RPS6KC1: variants seen among roughly 807,000 people sequenced by gnomAD.
RPS6KC1 encodes inactive ribosomal protein S6 kinase delta-1.
RPS6KC1 carries 54 observed loss-of-function variants against 103.8 expected under a neutral mutation model. That is an observed-to-expected ratio of 0.52 (90% CI 0.42 to 0.65). The LOEUF is 0.65. RPS6KC1 is among the 30% of genes least tolerant of loss of function. The pLI is 0.00. For synonymous variants in RPS6KC1, 439 were observed against 438.7 expected, an observed-to-expected ratio of 1.00 and a Z score of -0.01; for missense variants, 1,151 against 1,253.8, an observed-to-expected ratio of 0.92 and a Z score of 1.24.
the RPS6KC1 span, chr1:213,817,775 T>C: frequency 6.6e-6 from 1 of 151,916 alleles, no homozygotes; most frequent in Non-Finnish European, 1.5e-5. Context: ...CTTTTCTTTA[T>C]TGCGTTTTGC....
the RPS6KC1 span, among the ~76,000 whole-genome samples, chr1:213,622,233 G>GT: frequency 2.6e-5 from 1 of 37,790 alleles, no homozygotes; most frequent in African/African-American, 1.0e-4. Context: ...GACAAGTAAT[G>GT]TCTTTTTTTT....
chr1:213,823,726 C>CCACA, the RPS6KC1 span, among the ~76,000 whole-genome samples: 1,367 of 145,588 alleles, frequency 9.4e-3, 33 homozygotes, highest in East Asian at 0.087. Flanking sequence ...GCTATCACAG[C>CCACA]CACACACACA....
the RPS6KC1 span, among the ~76,000 whole-genome samples, chr1:213,785,298 C>T: frequency 6.6e-6 from 1 of 152,088 alleles, no homozygotes; most frequent in African/African-American, 2.4e-5. Context: ...CGTTCCTGGA[C>T]ACCTCACAGA....
chr1:213,380,237 C>T, the RPS6KC1 span, among the ~76,000 whole-genome samples: 1 of 152,170 alleles, frequency 6.6e-6, no homozygotes, highest in Non-Finnish European at 1.5e-5. Context: ...GAAAACCAAA[C>T]GCTGTATGTT....
the RPS6KC1 span, among the ~76,000 whole-genome samples, chr1:213,466,530 G>A: frequency 1.3e-5 from 2 of 152,288 alleles, no homozygotes; most frequent in East Asian, 3.9e-4. Context: ...GCAACAGAAT[G>A]GCAAAGAGAA....
chr1:213,060,801 A>C (rs2077766606), intron 1 of RPS6KC1, among the ~76,000 whole-genome samples: 1 of 152,236 alleles, frequency 6.6e-6, no homozygotes. Context: ...GATAACTTGC[A>C]GTTTTAGCTT....
At chr1:213,282,005 C>T in the RPS6KC1 span, among the ~76,000 whole-genome samples, 9 of 152,178 alleles carry the variant, frequency 5.9e-5, no homozygotes, top group African/African-American at 1.9e-4. Context: ...TGTCTCCTTC[C>T]GTAGCTAGGG....
the RPS6KC1 span, among the ~76,000 whole-genome samples, chr1:213,705,093 G>T: frequency 6.6e-6 from 1 of 152,214 alleles, no homozygotes; most frequent in Non-Finnish European, 1.5e-5. Context: ...ACTGAGTTTT[G>T]CCCAAGGCCT....
the RPS6KC1 span, among the ~76,000 whole-genome samples, chr1:213,451,281 T>C: frequency 2.0e-5 from 3 of 152,346 alleles, no homozygotes; most frequent in African/African-American, 7.2e-5. Flanking sequence ...AGGAAACCTA[T>C]GCATTGAAGC....
At chr1:213,699,120 G>T in the RPS6KC1 span, among the ~76,000 whole-genome samples, 2 of 151,812 alleles carry the variant, frequency 1.3e-5, no homozygotes, top group African/African-American at 4.8e-5. Context: ...ATAGTTATCC[G>T]GTTGTGCTAT....
At chr1:213,396,078 T>A in the RPS6KC1 span, among the ~76,000 whole-genome samples, 2 of 151,978 alleles carry the variant, frequency 1.3e-5, no homozygotes, top group Non-Finnish European at 2.9e-5. Flanking sequence ...AGGGGAGGGA[T>A]GGGAATAGCA....
At chr1:213,765,294 C>T in the RPS6KC1 span, among the ~76,000 whole-genome samples, 1 of 152,122 alleles carries the variant, frequency 6.6e-6, no homozygotes, top group Non-Finnish European at 1.5e-5. Context: ...CCATAGCGCC[C>T]CTAAGAAGGC....
the RPS6KC1 span, among the ~76,000 whole-genome samples, chr1:213,329,126 A>G: frequency 6.6e-6 from 1 of 152,052 alleles, no homozygotes; most frequent in African/African-American, 2.4e-5. Flanking sequence ...CCTTTTCTGG[A>G]ACTTGCCATG....
At chr1:213,137,775 C>A (rs1326231237) in intron 6 of RPS6KC1, among the ~76,000 whole-genome samples, 49 of 32,228 alleles carry the variant, frequency 1.5e-3, no homozygotes, top group African/African-American at 4.4e-3. Flanking sequence ...CTCTCTCTCT[C>A]TCTATATATA....
the RPS6KC1 span, among the ~76,000 whole-genome samples, chr1:213,570,958 T>G: frequency 2.6e-5 from 4 of 152,234 alleles, no homozygotes; most frequent in African/African-American, 9.6e-5. Context: ...AATAATGTCA[T>G]ACTCTGATAA....
the RPS6KC1 span, among the ~76,000 whole-genome samples, chr1:213,830,799 CA>C: frequency 8.5e-5 from 13 of 152,084 alleles, no homozygotes; most frequent in African/African-American, 2.7e-4. Context: ...ACTTTATACA[CA>C]AAAATCCTGG....
At chr1:213,208,003 A>G (rs1229487022) in intron 8 of RPS6KC1, among the ~76,000 whole-genome samples, 1 of 152,070 alleles carries the variant, frequency 6.6e-6, no homozygotes, top group Non-Finnish European at 1.5e-5. Context: ...TAATCTGTCT[A>G]TTGTCAGTTT....
the RPS6KC1 span, among the ~76,000 whole-genome samples, chr1:213,432,308 A>G: frequency 6.6e-6 from 1 of 152,230 alleles, no homozygotes; most frequent in South Asian, 2.1e-4. Flanking sequence ...AGTACAATTT[A>G]TAGTCATTTC....
At chr1:213,324,208 G>A in the RPS6KC1 span, among the ~76,000 whole-genome samples, 13 of 152,310 alleles carry the variant, frequency 8.5e-5, no homozygotes, top group African/African-American at 2.6e-4. Context: ...CAAATGTTAA[G>A]ATTTATGCAT....
Sources: gnomAD v4.1 joint callset for allele counts (sites outside exome capture counted in the v4.1 genomes callset) on GRCh38, gnomAD v4.1.1 for gene constraint, MANE v1.5 for transcripts, NCBI Gene and HGNC (gene_info 2026-07-23, HGNC 2026-07-21) for gene names.